The following RYR2 variants were observed in gnomAD, a reference collection of about 807,000 sequenced individuals.
RYR2 encodes ryanodine receptor 2.
Under a neutral mutation model 601.1 loss-of-function variants are expected in RYR2, and 227 were observed. The observed-to-expected ratio is 0.38, with a 90% CI of 0.34 to 0.42. The LOEUF is 0.42. Ranked by LOEUF, RYR2 falls within the 10% of genes least tolerant of loss-of-function variation. RYR2 has a pLI of 1.00. For synonymous variants in RYR2, 2,223 were observed against 2,175.1 expected (o/e 1.02, Z -0.61); for missense variants, 4,646 against 6,156.5 (o/e 0.75, Z 8.21).
chr1:237,731,680 T>A (rs187398423), intron 77 of RYR2, among the ~76,000 whole-genome samples: 6 of 152,262 alleles, frequency 3.9e-5, no homozygotes. Context: ...CTGCTCATAT[T>A]AATTTTTGGT....
At chr1:237,631,851 A>G (rs1330598026) in intron 42 of RYR2, among the ~76,000 whole-genome samples, 1 of 126,824 alleles carries the variant, frequency 7.9e-6, no homozygotes, top group Non-Finnish European at 1.6e-5. Context: ...GATGGTCTCG[A>G]TCTCCTGACC....
rs1194658460 is a variant in RYR2, at chr1:237,763,885, A to C, written c.11476+2857A>C. Among the ~76,000 whole-genome samples the C allele has an allele frequency of 1.3e-5, 2 of 152,230 alleles. 1 individual carries two copies. ...GTTTAAGATTCTGTAAAAGTTAAAA[A>C]AGCCTACATACACTCACAGGAGAAG... On this transcript the variant is annotated intron_variant, in intron 84 of 104. Coordinates refer to ENST00000366574, the MANE Select transcript of RYR2 (RefSeq NM_001035.3).
chr1:237,436,433 G>A (rs1376267094), intron 12 of RYR2, among the ~76,000 whole-genome samples: 1 of 88,712 alleles, frequency 1.1e-5, no homozygotes, highest in East Asian at 3.8e-4. Flanking sequence ...CTGAGAAGCC[G>A]AGGGATAATG....
In RYR2 at chr1:237,833,758, A is replaced by G. The variant is rs958981112; in HGVS notation, c.*1111A>G. The G allele has an allele frequency of 1.5e-4, 23 of 152,636 alleles. No homozygotes were observed. Among genetic ancestry groups the G allele is most frequent in the African/African-American group, 5.3e-4 (22 of 41,454 alleles). 9.5% of individuals were successfully genotyped at this position (152,636 alleles called of 1,614,324 possible). On this transcript the variant is annotated 3_prime_UTR_variant, in exon 105 of 105. Transcript: ENST00000366574. Reference sequence around the variant, plus strand: ...CATTTTTTAATATCAAAGCTGAAGCAATATCCATTCAGGGATTTCATCAGT... The same window carrying G: ...CATTTTTTAATATCAAAGCTGAAGCGATATCCATTCAGGGATTTCATCAGT...
chr1:237,391,155 T>C (rs757148609), intron 10 of RYR2, among the ~76,000 whole-genome samples: 6 of 152,142 alleles, frequency 3.9e-5, no homozygotes, highest in Non-Finnish European at 8.8e-5. Flanking sequence ...TTTAGAAAGT[T>C]TTCAACCTCC....
In RYR2 at chr1:237,786,579, T is replaced by C. The variant is rs373795658; in HGVS notation, c.13328+543T>C. Reference sequence around the variant, plus strand: ...AGGTCTGGTGTGGGGCCTGGGAGCCTTCATTTTCACCAACACTCCTGGGAT... The same window carrying C: ...AGGTCTGGTGTGGGGCCTGGGAGCCCTCATTTTCACCAACACTCCTGGGAT... On this transcript the variant is annotated intron_variant, in intron 91 of 104. Coordinates refer to ENST00000366574, the MANE Select transcript of RYR2 (RefSeq NM_001035.3). Among the ~76,000 whole-genome samples the C allele has an allele frequency of 3.9e-5, 6 of 152,328 alleles. No homozygotes were observed. In the East Asian group the frequency reaches 9.7e-4, roughly 25 times the overall value.
rs138819552 is a variant in RYR2, at chr1:237,500,417, A to G, written c.2204-294A>G. ...GGAGATGTTCCTTTGACATCATTAT[A>G]TAATCTGCTCATAGATAATTTCTGG... On this transcript the variant is annotated intron_variant, in intron 20 of 104. Coordinates refer to ENST00000366574, the MANE Select transcript of RYR2 (RefSeq NM_001035.3). 5.4e-4 allele frequency among the ~76,000 whole-genome samples: 83 copies of G among 152,332 alleles called. 1 individual carries two copies. The East Asian group carries it at 0.015, about 27-fold the overall frequency.
rs1696330846 is a variant in RYR2, at chr1:237,328,031, A to AG, written c.169-2844dup. On this transcript the variant is annotated intron_variant, in intron 2 of 104. Transcript: ENST00000366574. ...TGGAAACAGCTCTTAGACACTGCCA[A>AG]GGGTTGATTGTTAGATATTTTGGAT... Among the ~76,000 whole-genome samples the AG allele has an allele frequency of 3.3e-5, 5 of 152,346 alleles. No individual in the cohort carries two copies. The South Asian group carries it at 1.0e-3, about 32-fold the overall frequency.
At chr1:237,695,637 A>G (rs2149005753) in intron 63 of RYR2, among the ~76,000 whole-genome samples, 1 of 152,286 alleles carries the variant, frequency 6.6e-6, no homozygotes, top group East Asian at 1.9e-4. Flanking sequence ...GGTAATCTGG[A>G]TAGCTTTAAG....
chr1:237,716,018 G>A (rs1294891692), intron 71 of RYR2, among the ~76,000 whole-genome samples: 1 of 152,020 alleles, frequency 6.6e-6, no homozygotes, highest in Admixed American at 6.6e-5. Context: ...ATAAAAATGG[G>A]ATTCATGCAA....
chr1:237,252,179 G>A (rs1206942601), intron 1 of RYR2, among the ~76,000 whole-genome samples: 1 of 151,838 alleles, frequency 6.6e-6, no homozygotes, highest in Non-Finnish European at 1.5e-5. Context: ...AAACTCCAAA[G>A]CCCTTCTCAG....
intron 10 of RYR2, among the ~76,000 whole-genome samples, chr1:237,416,757 C>CAGAGAGAGAG (rs10686135): frequency 3.3e-5 from 4 of 121,134 alleles, no homozygotes; most frequent in African/African-American, 1.1e-4. Context: ...GAAACACACA[C>CAGAGAGAGAG]ACACACAGAG....
In RYR2 at chr1:237,788,940, T is replaced by TATCTC. The variant is rs150881073; in HGVS notation, c.13476+806_13476+810dup. Among the ~76,000 whole-genome samples, 721 of 152,052 alleles carry TATCTC rather than the reference T, an allele frequency of 4.7e-3. 2 individuals are homozygous for TATCTC. The highest frequency in any genetic ancestry group is 0.034 in the Middle Eastern group (10 of 290). On this transcript the variant is annotated intron_variant, in intron 92 of 104. Coordinates refer to ENST00000366574, the MANE Select transcript of RYR2 (RefSeq NM_001035.3). ...GTCTCCTATCCTTTTCCTCCATGCT[T>TATCTC]ATCTCCTATCCTTTTCCTCCTTTAT...
At chr1:237,088,456 C>A (rs533775139) in intron 1 of RYR2, among the ~76,000 whole-genome samples, 105 of 152,158 alleles carry the variant, frequency 6.9e-4, no homozygotes, top group Admixed American at 1.3e-3. Context: ...TATTGGATGC[C>A]TCCTGGAAGT....
intron 47 of RYR2, 58 bp downstream of exon 47, chr1:237,641,060 T>A: frequency 7.8e-7 from 1 of 1,279,736 alleles, no homozygotes; most frequent in South Asian, 1.5e-5. Context: ...AAGACATCTA[T>A]AGCTGTCAAA....
intron 1 of RYR2, among the ~76,000 whole-genome samples, chr1:237,226,757 A>T (rs901222023): frequency 1.3e-5 from 2 of 152,032 alleles, no homozygotes; most frequent in African/African-American, 4.8e-5. Flanking sequence ...TATGTGTCAC[A>T]TAGTGGTTTT....
chr1:237,631,404 C>T (rs751971804), intron 41 of RYR2, 23 bp from the exon 42 acceptor site: 124 of 1,453,138 alleles, frequency 8.5e-5, no homozygotes, highest in Non-Finnish European at 1.2e-4. Flanking sequence ...AGCTTTACCC[C>T]ATACGTCCAT....
At chr1:237,552,316 A>G (rs757801335) in intron 27 of RYR2, among the ~76,000 whole-genome samples, 2 of 152,160 alleles carry the variant, frequency 1.3e-5, no homozygotes, top group Non-Finnish European at 2.9e-5. Flanking sequence ...ATAAACCCTC[A>G]AAGCTAATTA....
chr1:237,802,742 A>G (rs907805558), intron 98 of RYR2, among the ~76,000 whole-genome samples: 1 of 152,266 alleles, frequency 6.6e-6, no homozygotes, highest in Non-Finnish European at 1.5e-5. Context: ...TGAAGTGGCC[A>G]GTCCATCTTA....
Sources: allele counts gnomAD v4.1 joint callset (sites outside exome capture counted in the v4.1 genomes callset), GRCh38; gene constraint gnomAD v4.1.1; transcripts MANE v1.5; gene names NCBI Gene and HGNC (gene_info 2026-07-23, HGNC 2026-07-21).